TCERG1L: variants seen among roughly 807,000 people sequenced by gnomAD.
TCERG1L encodes transcription elongation regulator 1-like protein.
Under a neutral mutation model 56.3 loss-of-function variants are expected in TCERG1L, and 37 were observed. The observed-to-expected ratio is 0.66, with a 90% CI of 0.51 to 0.87. TCERG1L has a LOEUF of 0.87. Among genes scored for constraint, TCERG1L ranks in the 40% least tolerant of loss-of-function variants. The pLI, the probability that TCERG1L is intolerant of heterozygous loss-of-function variation, is 0.00. For missense variants in TCERG1L, 799 were observed against 774.2 expected (o/e 1.03, Z -0.38); for synonymous variants, 324 against 326.3 (o/e 0.99, Z 0.08).
At chr10:131,293,521 C>T (rs933079812) in intron 3 of TCERG1L, among the ~76,000 whole-genome samples, 2 of 152,070 alleles carry the variant, frequency 1.3e-5, no homozygotes, top group African/African-American at 2.4e-5. Flanking sequence ...AACCCCCCTC[C>T]GGCTGGGAAG....
At chr10:131,232,467 C>G (rs1489857258) in intron 4 of TCERG1L, among the ~76,000 whole-genome samples, 5 of 152,240 alleles carry the variant, frequency 3.3e-5, no homozygotes, top group African/African-American at 1.2e-4. Flanking sequence ...CACGCACACG[C>G]TCACCTGGCA....
chr10:131,239,579 G>A (rs150820509), intron 4 of TCERG1L, among the ~76,000 whole-genome samples: 4 of 152,322 alleles, frequency 2.6e-5, no homozygotes, highest in South Asian at 4.1e-4. Context: ...ACTCTCAGAC[G>A]CATCGGCCCT....
chr10:131,278,856 A>T (rs1269741003), intron 3 of TCERG1L, among the ~76,000 whole-genome samples: 1 of 152,136 alleles, frequency 6.6e-6, no homozygotes, highest in Non-Finnish European at 1.5e-5. Flanking sequence ...TCCTGGGCTC[A>T]TGGGGCCTCG....
intron 4 of TCERG1L, among the ~76,000 whole-genome samples, chr10:131,219,750 G>A (rs1383949351): frequency 6.6e-6 from 1 of 152,222 alleles, no homozygotes. Flanking sequence ...TGAGTGTCCT[G>A]AGGGACCATT....
chr10:131,165,450 C>T (rs1384847706), intron 5 of TCERG1L, among the ~76,000 whole-genome samples: 1 of 151,988 alleles, frequency 6.6e-6, no homozygotes, highest in Admixed American at 6.5e-5. Context: ...TGTAAGTTTA[C>T]GAATAAAATT....
chr10:131,154,451 T>C (rs1845898558), intron 6 of TCERG1L, among the ~76,000 whole-genome samples: 1 of 152,152 alleles, frequency 6.6e-6, no homozygotes, highest in East Asian at 1.9e-4. Context: ...TCCAGGAGTG[T>C]CCTGGGGATG....
chr10:131,266,597 C>T (rs1589766779), intron 3 of TCERG1L, among the ~76,000 whole-genome samples: 1 of 152,116 alleles, frequency 6.6e-6, no homozygotes, highest in African/African-American at 2.4e-5. Flanking sequence ...CAAAGAGGAG[C>T]TTTATTAAGT....
intron 8 of TCERG1L, among the ~76,000 whole-genome samples, chr10:131,119,868 C>A (rs2133392829): frequency 6.6e-6 from 1 of 152,310 alleles, no homozygotes; most frequent in South Asian, 2.1e-4. Context: ...AGCCTTACTG[C>A]ATCACAGAAG....
chr10:131,252,856 C>T (rs1364917491), intron 4 of TCERG1L, among the ~76,000 whole-genome samples: 1 of 152,232 alleles, frequency 6.6e-6, no homozygotes, highest in Non-Finnish European at 1.5e-5. Flanking sequence ...CCTCCTTGCA[C>T]GATGCTTTCA....
chr10:131,121,626 G>A (rs1439370003), intron 8 of TCERG1L, among the ~76,000 whole-genome samples: 1 of 152,234 alleles, frequency 6.6e-6, no homozygotes, highest in Non-Finnish European at 1.5e-5. Context: ...AGCTCTCCCA[G>A]CTGCAGCCCT....
At chr10:131,227,520 G>A (rs1341686577) in intron 4 of TCERG1L, among the ~76,000 whole-genome samples, 2 of 152,192 alleles carry the variant, frequency 1.3e-5, no homozygotes, top group African/African-American at 4.8e-5. Flanking sequence ...ATATAGACCT[G>A]AGATAGCAAA....
Position 131,271,788 on chromosome 10 carries a change from T to A in TCERG1L, c.671-11344A>T, listed in dbSNP as rs112154236. ...CAAAGCCCAGGATGGCTGGTGAGGGTCCCTGTGACCGGAGACTGAATCTGA... is the reference window on the plus strand; with the variant it reads ...CAAAGCCCAGGATGGCTGGTGAGGGACCCTGTGACCGGAGACTGAATCTGA... On this transcript the variant is annotated intron_variant, in intron 3 of 11. Coordinates refer to ENST00000368642, the MANE Select transcript of TCERG1L (RefSeq NM_174937.4). Among the ~76,000 whole-genome samples, 529 of 152,136 alleles carry A rather than the reference T, an allele frequency of 3.5e-3. 5 individuals carry two copies. Among genetic ancestry groups the A allele is most frequent in the African/African-American group, 0.012 (508 of 41,514 alleles).
chr10:131,272,625 C>A (rs1310338958), intron 3 of TCERG1L, among the ~76,000 whole-genome samples: 1 of 152,168 alleles, frequency 6.6e-6, no homozygotes, highest in Non-Finnish European at 1.5e-5. Flanking sequence ...TGGAGCCTCA[C>A]CTGGCCAGTG....
intron 1 of TCERG1L, among the ~76,000 whole-genome samples, chr10:131,309,842 A>AAAAAC (rs1554901673): frequency 6.8e-6 from 1 of 145,992 alleles, no homozygotes; most frequent in African/African-American, 2.5e-5. Flanking sequence ...GGCAAAAAAA[A>AAAAAC]AAAAAAAAAA....
rs1846303090 is a variant in TCERG1L, at chr10:131,267,922, G to A, written c.671-7478C>T. On this transcript the variant is annotated intron_variant, in intron 3 of 11. Coordinates refer to ENST00000368642, the MANE Select transcript of TCERG1L (RefSeq NM_174937.4). The surrounding 1 kb of genome is among the most constrained non-coding windows in gnomAD (Gnocchi z 4.9). ...CCCGGGGGCCCTAGTGCTCAGGGGT[G>A]GTCCAGGGCTCCCCTTTGCCCAGCT... Among the ~76,000 whole-genome samples the A allele has an allele frequency of 6.6e-6, 1 of 152,210 alleles. No homozygotes were observed. Among genetic ancestry groups the A allele is most frequent in the African/African-American group, 2.4e-5 (1 of 41,450 alleles).
intron 3 of TCERG1L, among the ~76,000 whole-genome samples, chr10:131,269,478 A>C (rs1846317284): frequency 6.6e-6 from 1 of 152,182 alleles, no homozygotes; most frequent in African/African-American, 2.4e-5. Context: ...TGAGCTACTG[A>C]GCCCAGCCTC....
At chr10:131,186,206 G>T (rs535136284) in intron 4 of TCERG1L, among the ~76,000 whole-genome samples, 1 of 152,314 alleles carries the variant, frequency 6.6e-6, no homozygotes, top group South Asian at 2.1e-4. Flanking sequence ...GCTGAGGGGA[G>T]GGGAAACTGG....
intron 9 of TCERG1L, among the ~76,000 whole-genome samples, chr10:131,105,464 C>T (rs1845343240): frequency 1.3e-5 from 2 of 152,176 alleles, no homozygotes. Context: ...CTCCAGGCCT[C>T]CACATTACTT....
intron 4 of TCERG1L, among the ~76,000 whole-genome samples, chr10:131,169,456 G>A (rs947545789): frequency 3.3e-5 from 5 of 152,174 alleles, no homozygotes; most frequent in African/African-American, 9.7e-5. Flanking sequence ...GCGATGGGAC[G>A]AGGGAAGTTA....
Sources: gnomAD v4.1 joint callset for allele counts (sites outside exome capture counted in the v4.1 genomes callset) on GRCh38, gnomAD v4.1.1 for gene constraint, Gnocchi (gnomAD v3.1) non-coding constraint, MANE v1.5 for transcripts, NCBI Gene and HGNC (gene_info 2026-07-23, HGNC 2026-07-21) for gene names.